Variants in ASCC3 observed in about 807,000 individuals in gnomAD.
The protein encoded by ASCC3 is ASC-1 complex subunit P200.
ASCC3 carries 158 observed loss-of-function variants against 256.3 expected under a neutral mutation model. The observed-to-expected ratio is 0.62, with a 90% CI of 0.54 to 0.70. The LOEUF is 0.70. ASCC3 is among the 30% of genes least tolerant of loss of function. The pLI is 0.00. For missense variants in ASCC3, 2,259 were observed against 2,626.0 expected, an observed-to-expected ratio of 0.86 and a Z score of 3.05; for synonymous variants, 948 against 883.4, an observed-to-expected ratio of 1.07 and a Z score of -1.30.
intron 1 of ASCC3, among the ~76,000 whole-genome samples, chr6:100,873,389 C>A (rs1773844074): frequency 6.6e-6 from 1 of 151,868 alleles, no homozygotes; most frequent in African/African-American, 2.4e-5. Flanking sequence ...GTTAAATTAC[C>A]AAACCTAAGA....
intron 13 of ASCC3, among the ~76,000 whole-genome samples, chr6:100,700,814 C>G (rs911266903): frequency 1.3e-5 from 2 of 152,216 alleles, no homozygotes; most frequent in Non-Finnish European, 1.5e-5. Flanking sequence ...GCCTGTACCC[C>G]ATTGTATCTA....
chr6:100,733,313 T>C (rs1369568469), intron 10 of ASCC3, among the ~76,000 whole-genome samples: 2 of 152,150 alleles, frequency 1.3e-5, no homozygotes, highest in Non-Finnish European at 2.9e-5. Flanking sequence ...TGTTCCCCAA[T>C]GTGGCAATAT....
chr6:100,516,086 G>A, intron 39 of ASCC3, 94 bp downstream of exon 39: 4 of 1,475,160 alleles, frequency 2.7e-6, no homozygotes, highest in Non-Finnish European at 3.8e-6. Flanking sequence ...CTCAAGGTGA[G>A]CCTGGTTCCA....
In ASCC3 at chr6:100,590,032, A is replaced by G; in HGVS notation, c.5331T>C (p.His1777=). 1 of 1,613,560 alleles carries G rather than the reference A, an allele frequency of 6.2e-7. No homozygotes were observed. The highest frequency in any genetic ancestry group is 8.5e-7 in the Non-Finnish European group (1 of 1,179,588). The change falls in exon 35 of 42, where the codon CAT becomes CAC. Residue 1777 remains histidine, a synonymous_variant. Transcript: ENST00000369162. ...PSYYNLGDVS[H]DSVNKFLSHL... ...GGGACAGAAACTTGTTCACAGAATC[A>G]TGGCTCACATCACCCAAATTGTAAT...
intron 10 of ASCC3, among the ~76,000 whole-genome samples, chr6:100,761,534 G>A (rs1245109479): frequency 2.0e-5 from 3 of 152,080 alleles, no homozygotes; most frequent in South Asian, 4.1e-4. Flanking sequence ...GACAACCTAC[G>A]AATCTATTTC....
At chr6:100,717,687 T>G (rs1044687565) in intron 12 of ASCC3, among the ~76,000 whole-genome samples, 2 of 152,136 alleles carry the variant, frequency 1.3e-5, no homozygotes, top group African/African-American at 2.4e-5. Flanking sequence ...GAGGTACTAT[T>G]ATTTCTATTA....
At chr6:100,680,267 T>C (rs1397996500) in intron 13 of ASCC3, among the ~76,000 whole-genome samples, 1 of 152,196 alleles carries the variant, frequency 6.6e-6, no homozygotes, top group Non-Finnish European at 1.5e-5. Flanking sequence ...TGTGCAAGCC[T>C]TCCTGTGGAA....
chr6:100,843,877 T>C (rs1256423781), intron 4 of ASCC3, among the ~76,000 whole-genome samples: 1 of 151,960 alleles, frequency 6.6e-6, no homozygotes, highest in African/African-American at 2.4e-5. Flanking sequence ...ATATAAGGTA[T>C]ACACCTAAAT....
At position 100,625,172 on chromosome 6, in the gene ASCC3, A is replaced by T; in HGVS notation, c.4785+20T>A. On this transcript the variant is annotated intron_variant, in intron 30 of 41. Coordinates refer to ENST00000369162, the MANE Select transcript of ASCC3 (RefSeq NM_006828.4). ...CAACCTGAAACGTGTAAGTAGTAGA[A>T]GATAAAATATGTTGCTTACCTCTCT... The T allele has an allele frequency of 6.2e-7, 1 of 1,611,610 alleles. No homozygotes were observed. The highest frequency in any genetic ancestry group is 8.5e-7 in the Non-Finnish European group (1 of 1,178,282).
At chr6:100,607,919 T>C (rs1772986283) in intron 30 of ASCC3, among the ~76,000 whole-genome samples, 1 of 149,616 alleles carries the variant, frequency 6.7e-6, no homozygotes, top group Non-Finnish European at 1.5e-5. Flanking sequence ...TACCTTTTAA[T>C]TTTTTAAGTC....
rs192373740 is a variant in ASCC3, at chr6:100,843,157, C to T, written c.801+4991G>A. ...GCAAAAGAGTTTTGAGAACAAAAAA[C>T]GAGAATCACTGTATTAAAGCAAGCT... On this transcript the variant is annotated intron_variant, in intron 4 of 41. Transcript: ENST00000369162. Among the ~76,000 whole-genome samples, 330 of 152,140 alleles carry T rather than the reference C, an allele frequency of 2.2e-3. 2 individuals are homozygous for T. Among genetic ancestry groups the T allele is most frequent in the Non-Finnish European group, 3.3e-3 (223 of 67,978 alleles).
At chr6:100,715,063 ACTTTGT>A (rs1779027512) in intron 13 of ASCC3, 1 of 155,090 alleles carries the variant, frequency 6.4e-6, no homozygotes, top group Non-Finnish European at 1.4e-5. Context: ...TTATCACTTC[ACTTTGT>A]CTTTAACAAT....
chr6:100,713,437 G>C (rs1191146575), intron 13 of ASCC3, among the ~76,000 whole-genome samples: 1 of 152,146 alleles, frequency 6.6e-6, no homozygotes, highest in Non-Finnish European at 1.5e-5. Context: ...GCTTAACATA[G>C]AGGATGTTTA....
At position 100,626,918 on chromosome 6, in the gene ASCC3, G is replaced by A. The variant is rs142128028; in HGVS notation, c.4642+672C>T. On this transcript the variant is annotated intron_variant, in intron 29 of 41. Coordinates refer to ENST00000369162, the MANE Select transcript of ASCC3 (RefSeq NM_006828.4). ...TGATTTTGTACAATGCTTCTGTGGA[G>A]GTGTAAATAATCTGAACTGCCAAGA... Among the ~76,000 whole-genome samples the A allele has an allele frequency of 8.3e-4, 127 of 152,194 alleles. 1 individual carries two copies. The highest frequency in any genetic ancestry group is 3.4e-3 in the Middle Eastern group (1 of 294).
intron 10 of ASCC3, among the ~76,000 whole-genome samples, chr6:100,748,939 G>A (rs185236808): frequency 6.6e-6 from 1 of 151,836 alleles, no homozygotes; most frequent in Admixed American, 6.6e-5. Flanking sequence ...ACTTTAAGGG[G>A]ACCAGACCCA....
At chr6:100,826,772 G>C (rs1771334042) in intron 4 of ASCC3, among the ~76,000 whole-genome samples, 1 of 152,128 alleles carries the variant, frequency 6.6e-6, no homozygotes, top group African/African-American at 2.4e-5. Flanking sequence ...AACAGGCAAT[G>C]AACCAAAATT....
chr6:100,743,202 C>A (rs1430041237), intron 10 of ASCC3, among the ~76,000 whole-genome samples: 2 of 152,158 alleles, frequency 1.3e-5, no homozygotes, highest in Non-Finnish European at 2.9e-5. Flanking sequence ...TGGCTCTGTG[C>A]CACTCTTGGG....
intron 13 of ASCC3, among the ~76,000 whole-genome samples, chr6:100,706,039 T>C (rs1386969205): frequency 1.3e-5 from 2 of 151,832 alleles, no homozygotes; most frequent in Non-Finnish European, 2.9e-5. Flanking sequence ...ATGCACATAG[T>C]ATACATACAT....
intron 4 of ASCC3, among the ~76,000 whole-genome samples, chr6:100,842,239 C>T (rs1772178405): frequency 6.6e-6 from 1 of 152,144 alleles, no homozygotes; most frequent in South Asian, 2.1e-4. Flanking sequence ...AGTACAGCAA[C>T]ATTTTAAATA....
Sources: gnomAD v4.1 joint callset for allele counts (sites outside exome capture counted in the v4.1 genomes callset) on GRCh38, gnomAD v4.1.1 for gene constraint, MANE v1.5 for transcripts, NCBI Gene and HGNC (gene_info 2026-07-23, HGNC 2026-07-21) for gene names.